Variants in GPC4 observed in about 807,000 individuals in gnomAD.
GPC4 encodes glypican 4, also known as glypican-4.
Under a neutral mutation model 35.0 loss-of-function variants are expected in GPC4, and 10 were observed. That is an observed-to-expected ratio of 0.29 (90% CI 0.18 to 0.48). The LOEUF is 0.48. Ranked by LOEUF, GPC4 falls within the 20% of genes least tolerant of loss-of-function variation. GPC4 has a pLI of 0.99. For synonymous variants in GPC4, 167 were observed against 170.2 expected, an observed-to-expected ratio of 0.98 and a Z score of 0.15; for missense variants, 322 against 451.3, an observed-to-expected ratio of 0.71 and a Z score of 2.60.
At chrX:133,363,152 TTTATTA>T (rs755683138) in intron 1 of GPC4, among the ~76,000 whole-genome samples, 8 of 111,865 alleles carry the variant, frequency 7.2e-5, no homozygotes, top group Admixed American at 5.7e-4. Context: ...TTTAAAATCT[TTTATTA>T]TTATCATTTT....
chrX:133,345,982 C>T (rs1191956327), intron 1 of GPC4, among the ~76,000 whole-genome samples: 1 of 111,524 alleles, frequency 9.0e-6, no homozygotes, highest in African/African-American at 3.3e-5. Flanking sequence ...GGCTCATGGG[C>T]CCCAGTTACA....
At chrX:133,370,783 A>T (rs1026888889) in intron 1 of GPC4, among the ~76,000 whole-genome samples, 1 of 111,618 alleles carries the variant, frequency 9.0e-6, no homozygotes, top group Non-Finnish European at 1.9e-5. Flanking sequence ...TTCAGAAAAA[A>T]ATCCATAGAA....
At chrX:133,373,202 C>A (rs1415945387) in intron 1 of GPC4, among the ~76,000 whole-genome samples, 2 of 111,534 alleles carry the variant, frequency 1.8e-5, no homozygotes, top group Admixed American at 9.5e-5. Flanking sequence ...CCATTTTCTT[C>A]CCTAAAACAT....
At chrX:133,374,311 GAA>G (rs998148589) in intron 1 of GPC4, among the ~76,000 whole-genome samples, 2 of 110,847 alleles carry the variant, frequency 1.8e-5, no homozygotes, top group Non-Finnish European at 3.8e-5. Context: ...ACACTATGAA[GAA>G]AAGTTTTAGA....
rs1810957894 is a variant in GPC4 at position 133,378,117 on chromosome X, C to A, written c.160+36689G>T. 3.6e-5 allele frequency among the ~76,000 whole-genome samples: 4 copies of A among 110,241 alleles called. No homozygotes were observed. The South Asian group carries it at 1.6e-3, about 43-fold the overall frequency. On this transcript the variant is annotated intron_variant, in intron 1 of 8. Transcript: ENST00000370828. ...CCCATGCTGGTCTCAAACTCCTGGGCTCAAGTGATCTGCCCACCTTGGCCT... is the reference window on the plus strand; with the variant it reads ...CCCATGCTGGTCTCAAACTCCTGGGATCAAGTGATCTGCCCACCTTGGCCT...
At chrX:133,354,147 C>G (rs146584317) in intron 1 of GPC4, among the ~76,000 whole-genome samples, 1 of 111,676 alleles carries the variant, frequency 9.0e-6, no homozygotes, top group Non-Finnish European at 1.9e-5. Context: ...GATGTTTCAT[C>G]CTATGTGGAA....
chrX:133,370,777 GA>G (rs1210289446), intron 1 of GPC4, among the ~76,000 whole-genome samples: 2 of 111,239 alleles, frequency 1.8e-5, no homozygotes, highest in Non-Finnish European at 3.8e-5. Context: ...TCTACATTCA[GA>G]AAAAAATCCA....
chrX:133,399,079 A>G (rs1269751275), intron 1 of GPC4, among the ~76,000 whole-genome samples: 1 of 111,750 alleles, frequency 8.9e-6, no homozygotes, highest in Admixed American at 9.6e-5. Context: ...TCTTGTCACC[A>G]ATTGACAGAT....
chrX:133,350,516 G>T (rs1161924360), intron 1 of GPC4, among the ~76,000 whole-genome samples: 1 of 109,986 alleles, frequency 9.1e-6, no homozygotes, highest in East Asian at 2.9e-4. Context: ...GGGTGGGGGG[G>T]AATGTTTCAT....
intron 1 of GPC4, among the ~76,000 whole-genome samples, chrX:133,351,780 G>A: frequency 8.9e-6 from 1 of 112,112 alleles, no homozygotes; most frequent in Non-Finnish European, 1.9e-5. Flanking sequence ...CTAGACCACT[G>A]CAAGAGATTA....
intron 3 of GPC4, among the ~76,000 whole-genome samples, chrX:133,320,169 T>C (rs2068357553): frequency 1.8e-5 from 2 of 111,909 alleles, no homozygotes; most frequent in Admixed American, 9.5e-5. Context: ...AGCTAAACAA[T>C]TGGCAAGTTA....
intron 2 of GPC4, among the ~76,000 whole-genome samples, chrX:133,337,958 T>C (rs1379508011): frequency 9.1e-6 from 1 of 109,765 alleles, no homozygotes; most frequent in Non-Finnish European, 1.9e-5. Context: ...AAGACATAAT[T>C]TTGCACATAG....
chrX:133,322,991 G>A (rs978907245), intron 3 of GPC4, among the ~76,000 whole-genome samples: 1 of 111,422 alleles, frequency 9.0e-6, no homozygotes, highest in African/African-American at 3.3e-5. Flanking sequence ...GGAGGGGAGT[G>A]GCAGTGAAGG....
intron 1 of GPC4, among the ~76,000 whole-genome samples, chrX:133,346,407 A>G (rs1243229572): frequency 9.0e-6 from 1 of 111,399 alleles, no homozygotes; most frequent in African/African-American, 3.3e-5. Context: ...ATGTGGAAAT[A>G]GGGCACATCA....
intron 1 of GPC4, among the ~76,000 whole-genome samples, chrX:133,360,558 G>C (rs1206346917): frequency 9.0e-6 from 1 of 110,856 alleles, no homozygotes; most frequent in Non-Finnish European, 1.9e-5. Flanking sequence ...AGAAGAAGAA[G>C]AAGAAATATT....
chrX:133,311,458 G>A (rs1988257942), intron 3 of GPC4, 35 bp from the exon 4 acceptor site: 7 of 1,178,084 alleles, frequency 5.9e-6, no homozygotes, highest in South Asian at 1.8e-5. Flanking sequence ...CAGTAGTGGC[G>A]GGGCTAAAAT....
At chrX:133,344,765 C>G (rs1445747519) in intron 1 of GPC4, among the ~76,000 whole-genome samples, 1 of 111,881 alleles carries the variant, frequency 8.9e-6, no homozygotes, top group Non-Finnish European at 1.9e-5. Context: ...GAAAACAGAG[C>G]CAGAAAACAT....
At chrX:133,331,734 C>G (rs983345799) in intron 2 of GPC4, among the ~76,000 whole-genome samples, 1 of 101,897 alleles carries the variant, frequency 9.8e-6, no homozygotes, top group Non-Finnish European at 2.0e-5. Flanking sequence ...GCACTCCAGC[C>G]TGGCCAACAG....
At chrX:133,382,739 A>T (rs185260306) in intron 1 of GPC4, among the ~76,000 whole-genome samples, 343 of 109,445 alleles carry the variant, frequency 3.1e-3, no homozygotes, top group African/African-American at 0.011. Flanking sequence ...TCTCAAAAAC[A>T]AACAAACAAA....
Sources: gnomAD v4.1 joint callset for allele counts (sites outside exome capture counted in the v4.1 genomes callset) on GRCh38, gnomAD v4.1.1 for gene constraint, MANE v1.5 for transcripts, NCBI Gene and HGNC (gene_info 2026-07-23, HGNC 2026-07-21) for gene names.